The following APBA2 variants were observed in gnomAD, a reference collection of about 807,000 sequenced individuals.
APBA2 encodes amyloid beta precursor protein binding family A member 2.
APBA2 carries 30 observed loss-of-function variants against 75.0 expected under a neutral mutation model. That is an observed-to-expected ratio of 0.40 (90% CI 0.30 to 0.54). The LOEUF is 0.54. APBA2 is among the 20% of genes least tolerant of loss of function. The probability of loss-of-function intolerance (pLI) is 0.49; values close to 1 mark genes in which losing one functional copy is unlikely to be tolerated. For synonymous variants in APBA2, 444 were observed against 409.6 expected, an observed-to-expected ratio of 1.08 and a Z score of -1.01; for missense variants, 801 against 1,016.1, an observed-to-expected ratio of 0.79 and a Z score of 2.88.
intron 2 of APBA2, among the ~76,000 whole-genome samples, chr15:28,966,098 C>CT (rs58795912): frequency 0.11 from 16,975 of 151,614 alleles, 2,897 homozygotes; most frequent in African/African-American, 0.37. Context: ...TTTATTAAGG[C>CT]TTTTTTTTGT....
chr15:29,104,525 G>T (rs998251342), intron 10 of APBA2, among the ~76,000 whole-genome samples: 2 of 152,252 alleles, frequency 1.3e-5, no homozygotes, highest in African/African-American at 4.8e-5. Flanking sequence ...GTCAGAGTCG[G>T]TGATGTCCAC....
intron 3 of APBA2, among the ~76,000 whole-genome samples, chr15:29,027,087 A>G (rs1165246875): frequency 6.6e-6 from 1 of 152,196 alleles, no homozygotes; most frequent in Admixed American, 6.5e-5. Flanking sequence ...TTAGTTTTTA[A>G]TGCTAATAGT....
chr15:28,992,586 G>T (rs2038292775), intron 2 of APBA2, among the ~76,000 whole-genome samples: 1 of 152,200 alleles, frequency 6.6e-6, no homozygotes, highest in South Asian at 2.1e-4. Flanking sequence ...TTGAAGTCAG[G>T]CAGCTGAGGC....
At chr15:29,083,671 C>T (rs896159991) in intron 6 of APBA2, among the ~76,000 whole-genome samples, 10 of 152,194 alleles carry the variant, frequency 6.6e-5, no homozygotes, top group African/African-American at 2.2e-4. Context: ...GCTGGAATTA[C>T]AGGGGTGCAC....
At chr15:29,071,598 C>T (rs1227935100) in intron 4 of APBA2, among the ~76,000 whole-genome samples, 3 of 146,030 alleles carry the variant, frequency 2.1e-5, no homozygotes, top group Non-Finnish European at 4.5e-5. Flanking sequence ...GTATCTTTAT[C>T]TAGGATGCCT....
At chr15:28,984,801 G>T (rs1022269086) in intron 2 of APBA2, among the ~76,000 whole-genome samples, 3 of 139,310 alleles carry the variant, frequency 2.2e-5, no homozygotes, top group South Asian at 2.3e-4. Flanking sequence ...GGAGCTGCTC[G>T]CTCTCTCTCC....
At chr15:28,898,319 G>A (rs2032636842) in intron 1 of APBA2, among the ~76,000 whole-genome samples, 1 of 152,224 alleles carries the variant, frequency 6.6e-6, no homozygotes, top group Admixed American at 6.5e-5. Flanking sequence ...AACTGCCAAA[G>A]TGCAAAGAAA....
chr15:28,913,100 G>A (rs1434372009), intron 1 of APBA2, among the ~76,000 whole-genome samples: 1 of 152,240 alleles, frequency 6.6e-6, no homozygotes, highest in African/African-American at 2.4e-5. Flanking sequence ...ACTACAGTTT[G>A]TGTCCGTCGC....
chr15:28,975,848 C>G (rs75697070), intron 2 of APBA2, among the ~76,000 whole-genome samples: 4,988 of 152,246 alleles, frequency 0.033, 200 homozygotes, highest in East Asian at 0.2. Context: ...CAAAACAATA[C>G]AAGTTTGATG....
intron 3 of APBA2, among the ~76,000 whole-genome samples, chr15:29,037,159 A>G (rs1233747570): frequency 1.3e-5 from 2 of 152,272 alleles, no homozygotes; most frequent in African/African-American, 2.4e-5. Context: ...ATTTTTATTC[A>G]GAAGATAATC....
chr15:29,040,612 C>T (rs971737190), intron 3 of APBA2, among the ~76,000 whole-genome samples: 1 of 152,202 alleles, frequency 6.6e-6, no homozygotes, highest in Non-Finnish European at 1.5e-5. Flanking sequence ...GACGTTAACT[C>T]CATCCCCTAA....
chr15:29,055,330 C>T (rs923850334), intron 4 of APBA2, among the ~76,000 whole-genome samples: 56 of 152,282 alleles, frequency 3.7e-4, no homozygotes, highest in Admixed American at 6.5e-4. Flanking sequence ...CTCTGAAAGC[C>T]CGGGGGCCTT....
intron 1 of APBA2, among the ~76,000 whole-genome samples, chr15:28,899,900 A>G (rs1226464981): frequency 6.6e-6 from 1 of 152,176 alleles, no homozygotes; most frequent in Non-Finnish European, 1.5e-5. Flanking sequence ...ATATACTATG[A>G]AAAAACCAGT....
chr15:28,913,588 G>A (rs2033531895), intron 1 of APBA2, among the ~76,000 whole-genome samples: 1 of 152,178 alleles, frequency 6.6e-6, no homozygotes, highest in African/African-American at 2.4e-5. Flanking sequence ...CTGACCTCCA[G>A]TCTTTCCACA....
At chr15:29,039,956 GT>G (rs546058310) in intron 3 of APBA2, among the ~76,000 whole-genome samples, 5 of 152,106 alleles carry the variant, frequency 3.3e-5, no homozygotes, top group African/African-American at 7.2e-5. Flanking sequence ...CTGTGGTTGG[GT>G]TTTTTTCCCT....
chr15:29,104,394 AG>A (rs3838852), intron 10 of APBA2, among the ~76,000 whole-genome samples: 1 of 152,222 alleles, frequency 6.6e-6, no homozygotes, highest in East Asian at 1.9e-4. Flanking sequence ...CACAGCTGCC[AG>A]CCTGCTTGGC....
chr15:28,965,394 A>T (rs991891488), intron 2 of APBA2, among the ~76,000 whole-genome samples: 2 of 152,186 alleles, frequency 1.3e-5, no homozygotes, highest in Non-Finnish European at 2.9e-5. Context: ...AGGAAGCCTT[A>T]ATATCAGGCA....
At chr15:28,891,978 A>C (rs934109291) in intron 1 of APBA2, among the ~76,000 whole-genome samples, 1 of 152,220 alleles carries the variant, frequency 6.6e-6, no homozygotes, top group African/African-American at 2.4e-5. Flanking sequence ...TATAAAGTCT[A>C]CGCTAGTGTA....
chr15:28,983,473 A>G (rs780022781), intron 2 of APBA2, among the ~76,000 whole-genome samples: 5 of 152,184 alleles, frequency 3.3e-5, no homozygotes, highest in African/African-American at 4.8e-5. Flanking sequence ...AGCATTTGCC[A>G]ATACATTATT....
Sources: allele counts gnomAD v4.1 joint callset (sites outside exome capture counted in the v4.1 genomes callset), GRCh38; gene constraint gnomAD v4.1.1; transcripts MANE v1.5; gene names NCBI Gene and HGNC (gene_info 2026-07-23, HGNC 2026-07-21).